Variants in MCRS1 observed in about 807,000 individuals in gnomAD.
MCRS1 encodes the protein microspherule protein 1.
In MCRS1, 22 loss-of-function variants were observed where a neutral mutation model predicts 62.9. The observed-to-expected ratio is 0.35, with a 90% CI of 0.25 to 0.50. The LOEUF is 0.50. Ranked by LOEUF, MCRS1 falls within the 20% of genes least tolerant of loss-of-function variation. The pLI, the probability that MCRS1 is intolerant of heterozygous loss-of-function variation, is 0.98. For missense variants in MCRS1, 456 were observed against 601.1 expected, an observed-to-expected ratio of 0.76 and a Z score of 2.52; for synonymous variants, 244 against 233.5, an observed-to-expected ratio of 1.04 and a Z score of -0.41.
intron 7 of MCRS1, 142 bp downstream of exon 7, chr12:49,563,296 A>ACAAACG: frequency 7.2e-7 from 1 of 1,380,580 alleles, no homozygotes; most frequent in Non-Finnish European, 1.0e-6. Context: ...GGCCCCTGTC[A>ACAAACG]CAAACGCCCC....
intron 8 of MCRS1, among the ~76,000 whole-genome samples, chr12:49,562,346 C>A (rs1483679937): frequency 6.6e-6 from 1 of 152,240 alleles, no homozygotes; most frequent in Non-Finnish European, 1.5e-5. Flanking sequence ...AGTTTAATCA[C>A]ACTGTTTTCT....
chr12:49,564,475 A>G lies in MCRS1; in HGVS notation c.557+6T>C. The G allele has an allele frequency of 6.2e-7, 1 of 1,607,898 alleles. No homozygotes were observed. Among genetic ancestry groups the G allele is most frequent in the Non-Finnish European group, 8.5e-7 (1 of 1,175,696 alleles). ...CTCCCCACTGCTGGAACCAGCTCCC[A>G]CTCACTTGGAGATGACAGGATCGTA... On this transcript the variant is annotated splice_donor_region_variant and intron_variant, in intron 6 of 14. Coordinates refer to ENST00000343810, the MANE Select transcript of MCRS1 (RefSeq NM_006337.5).
chr12:49,559,639 C>T lies in MCRS1; in HGVS notation c.1003+90G>A, dbSNP rs1030297629. The T allele has an allele frequency of 7.5e-6, 12 of 1,589,930 alleles. No individual in the cohort carries two copies. The highest frequency in any genetic ancestry group is 3.4e-5 in the Admixed American group (2 of 59,066). ...GGGAAGGGGGTCGGGGCCTGGGAAA[C>T]GAGGGTCTCCCCAGCCAGGCAGCAA... On this transcript the variant is annotated intron_variant, in intron 11 of 14. Coordinates refer to ENST00000343810, the MANE Select transcript of MCRS1 (RefSeq NM_006337.5). This position sits in a 1 kb window ranked among gnomAD's most constrained non-coding sequence, Gnocchi z 5.2.
At position 49,559,382 on chromosome 12, in the gene MCRS1, C is replaced by T; in HGVS notation, c.1086+71G>A. ...ATGCAGGCCAGAGAAAGATGGGAAACCAAGGACTACGCAGAGAAAGGCACT... is the reference window on the plus strand; with the variant it reads ...ATGCAGGCCAGAGAAAGATGGGAAATCAAGGACTACGCAGAGAAAGGCACT... On this transcript the variant is annotated intron_variant, in intron 12 of 14. Transcript: ENST00000343810. The surrounding 1 kb of genome is among the most constrained non-coding windows in gnomAD (Gnocchi z 5.2). 6.2e-7 allele frequency: 1 copy of T among 1,609,786 alleles called. No homozygotes were observed. Among genetic ancestry groups the T allele is most frequent in the South Asian group, 1.1e-5 (1 of 90,990 alleles).
At chr12:49,564,658 G>A in intron 5 of MCRS1, 68 bp from the exon 6 acceptor site, 1 of 1,605,450 alleles carries the variant, frequency 6.2e-7, no homozygotes, top group Non-Finnish European at 8.5e-7. Flanking sequence ...CCACCCACAG[G>A]GCCCTGTTGG....
At chr12:49,563,889 G>A (rs559329432) in intron 6 of MCRS1, among the ~76,000 whole-genome samples, 3 of 152,160 alleles carry the variant, frequency 2.0e-5, no homozygotes, top group Admixed American at 6.6e-5. Flanking sequence ...TTTCCAAGCT[G>A]AGCCCAGCCC....
Position 49,562,987 on chromosome 12 carries a change from TC to T in MCRS1, c.805+13del. ...GTGCACACACCCCCATTCTGCCAGCTCCTGGGGCGTTACCTGTCTGGTCCTC... is the reference window on the plus strand; with the variant it reads ...GTGCACACACCCCCATTCTGCCAGCTCTGGGGCGTTACCTGTCTGGTCCTC... On this transcript the variant is annotated intron_variant, in intron 8 of 14. Transcript: ENST00000343810. The T allele has an allele frequency of 6.3e-7, 1 of 1,596,948 alleles. No homozygotes were observed. Among genetic ancestry groups the T allele is most frequent in the Non-Finnish European group, 8.5e-7 (1 of 1,170,340 alleles).
chr12:49,561,085 G>C (rs992636527), intron 8 of MCRS1, among the ~76,000 whole-genome samples: 4 of 152,142 alleles, frequency 2.6e-5, no homozygotes, highest in African/African-American at 9.7e-5. Flanking sequence ...AGGAAGTCGG[G>C]AACAGTGGTG....
chr12:49,566,340 A>G (rs1939059492), intron 2 of MCRS1, 125 bp from the exon 3 acceptor site: 1 of 1,539,842 alleles, frequency 6.5e-7, no homozygotes, highest in South Asian at 1.2e-5. Context: ...TTGACACTTG[A>G]GGTTTTAAGG....
At chr12:49,563,371 G>C (rs1300086465) in intron 7 of MCRS1, 67 bp downstream of exon 7, 2 of 1,483,102 alleles carry the variant, frequency 1.3e-6, no homozygotes, top group Non-Finnish European at 1.9e-6. Flanking sequence ...CTCCACATCA[G>C]TGGTTTTCTA....
intron 8 of MCRS1, among the ~76,000 whole-genome samples, chr12:49,561,994 T>C (rs1938794578): frequency 6.6e-6 from 1 of 152,216 alleles, no homozygotes; most frequent in Non-Finnish European, 1.5e-5. Context: ...CTGTTCTCTC[T>C]GTGGGAATTC....
In MCRS1 at chr12:49,563,152, A is replaced by T. The variant is rs2138193676; in HGVS notation, c.667-13T>A. ...TGGGCTGGCTGGTCTAGAGGGCAAG[A>T]AACATTCTCTAGGCATCTGGGCTTT... On this transcript the variant is annotated splice_polypyrimidine_tract_variant and intron_variant, in intron 7 of 14. Coordinates refer to ENST00000343810, the MANE Select transcript of MCRS1 (RefSeq NM_006337.5). The T allele has an allele frequency of 6.4e-7, 1 of 1,555,324 alleles. No individual in the cohort carries two copies. Among genetic ancestry groups the T allele is most frequent in the Non-Finnish European group, 8.7e-7 (1 of 1,148,844 alleles).
chr12:49,566,681 G>A, intron 2 of MCRS1, 41 bp downstream of exon 2: 1 of 1,613,552 alleles, frequency 6.2e-7, no homozygotes, highest in Non-Finnish European at 8.5e-7. Context: ...GCAGATGCTT[G>A]GCGCCCGAGC....
chr12:49,565,472 T>G, intron 4 of MCRS1, 57 bp downstream of exon 4: 1 of 1,544,082 alleles, frequency 6.5e-7, no homozygotes, highest in Non-Finnish European at 8.7e-7. Context: ...GCAAAGGTTC[T>G]GGGGAAACAT....
chr12:49,566,421 C>T (rs1939066635), intron 2 of MCRS1: 1 of 1,577,016 alleles, frequency 6.3e-7, no homozygotes, highest in East Asian at 2.3e-5. Context: ...TGGGCAGTTC[C>T]CCCGGTGCCA....
In MCRS1 at chr12:49,568,060, G is replaced by T. The variant is rs1939156518; in HGVS notation, c.-123C>A. On this transcript the variant is annotated 5_prime_UTR_variant, in exon 1 of 15. Transcript: ENST00000343810. ...CGCGAGGTCTCACCATTCCTAGACT[G>T]CCAGATCCAACAATTTCTCCGCGGC... The T allele has an allele frequency of 6.6e-6, 1 of 152,178 alleles. No homozygotes were observed. The highest frequency in any genetic ancestry group is 1.5e-5 in the Non-Finnish European group (1 of 68,040). The allele number at this position is 152,178 out of a possible 1,614,324, so 9.4% of individuals were successfully genotyped here.
rs1164363034 is a variant in MCRS1 at position 49,558,725 on chromosome 12, G to A, written c.1307C>T (p.Ala436Val). 6 of 1,613,840 alleles carry A rather than the reference G, an allele frequency of 3.7e-6. No individual in the cohort carries two copies. Among genetic ancestry groups the A allele is most frequent in the African/African-American group, 2.7e-5 (2 of 74,908 alleles). Residue 436 changes from alanine (A) to valine (V), a missense_variant, in exon 15 of 15, where the codon GCC becomes GTC. Ala to Val is a moderately conservative substitution (Grantham distance 64, BLOSUM62 0). This residue lies in a region of MCRS1 where 393 missense variants were observed against 523.5 expected (regional missense o/e 0.75). Transcript: ENST00000343810. ...RLSNNSVVEI[A>V]SLRFVFLINQ... The stretch of plus-strand genomic sequence containing the variant: ...GATAAGGAAGACGAATCGCAGGCTG[G>A]CGATCTGGGTGGGAGACAAAGGTGG...
In MCRS1 at chr12:49,562,988, C is replaced by T. The variant is rs771307390; in HGVS notation, c.805+13G>A. On this transcript the variant is annotated intron_variant, in intron 8 of 14. Coordinates refer to ENST00000343810, the MANE Select transcript of MCRS1 (RefSeq NM_006337.5). ...TGCACACACCCCCATTCTGCCAGCTCCTGGGGCGTTACCTGTCTGGTCCTC... is the reference window on the plus strand; with the variant it reads ...TGCACACACCCCCATTCTGCCAGCTTCTGGGGCGTTACCTGTCTGGTCCTC... The T allele has an allele frequency of 1.3e-6, 2 of 1,597,142 alleles. No individual in the cohort carries two copies. The highest frequency in any genetic ancestry group is 2.2e-5 in the South Asian group (2 of 88,930).
chr12:49,563,291 C>A, intron 7 of MCRS1, 147 bp downstream of exon 7: 1 of 1,370,416 alleles, frequency 7.3e-7, no homozygotes, highest in Non-Finnish European at 1.0e-6. Context: ...CCTGAGGCCC[C>A]TGTCACAAAC....
Sources: allele counts gnomAD v4.1 joint callset (sites outside exome capture counted in the v4.1 genomes callset), GRCh38; gene constraint gnomAD v4.1.1; regional missense constraint gnomAD v4.1.1; non-coding constraint Gnocchi (gnomAD v3.1); transcripts MANE v1.5; gene names NCBI Gene and HGNC (gene_info 2026-07-23, HGNC 2026-07-21).